SESTD1: variants seen among roughly 807,000 people sequenced by gnomAD.
The protein encoded by SESTD1 is SEC14 and spectrin domain containing 1, also known as SEC14 domain and spectrin repeat-containing protein 1.
SESTD1 carries 43 observed loss-of-function variants against 101.7 expected under a neutral mutation model. The ratio of observed to expected loss-of-function variants is 0.42; its 90% confidence interval spans 0.33 to 0.55. The LOEUF (loss-of-function observed/expected upper bound fraction) is 0.55. Among genes scored for constraint, SESTD1 ranks in the 20% least tolerant of loss-of-function variants. The pLI is 0.07. For synonymous variants in SESTD1, 283 were observed against 286.8 expected, an observed-to-expected ratio of 0.99 and a Z score of 0.13; for missense variants, 647 against 815.1, an observed-to-expected ratio of 0.79 and a Z score of 2.51.
At chr2:179,238,782 T>C (rs1357168528) in intron 1 of SESTD1, among the ~76,000 whole-genome samples, 1 of 152,182 alleles carries the variant, frequency 6.6e-6, no homozygotes, top group African/African-American at 2.4e-5. Context: ...GGCTTTGTTG[T>C]CACAAAGTTA....
At chr2:179,239,766 C>T (rs1311199099) in intron 1 of SESTD1, among the ~76,000 whole-genome samples, 2 of 152,132 alleles carry the variant, frequency 1.3e-5, no homozygotes, top group African/African-American at 4.8e-5. Context: ...AAAGAAATGC[C>T]ATTTAACTAC....
At chr2:179,171,727 C>G (rs188862938) in intron 5 of SESTD1, among the ~76,000 whole-genome samples, 2 of 152,248 alleles carry the variant, frequency 1.3e-5, no homozygotes, top group Admixed American at 1.3e-4. Context: ...TGTATTAAAA[C>G]TGGCCAGATA....
At chr2:179,191,898 A>C (rs1017016575) in intron 1 of SESTD1, 32 bp from the exon 2 acceptor site, 1 of 1,399,994 alleles carries the variant, frequency 7.1e-7, no homozygotes. Flanking sequence ...TGTCAACTAC[A>C]AGACAACAAT....
rs1452977495 is a variant in SESTD1, at chr2:179,209,137, T to C, written c.-25-17271A>G. On this transcript the variant is annotated intron_variant, in intron 1 of 17. Coordinates refer to ENST00000428443, the MANE Select transcript of SESTD1 (RefSeq NM_178123.5). The stretch of plus-strand genomic sequence containing the variant: ...TTTAAAAAGACAAAGAGGGGCATTA[T>C]ATAATGATACAGGACTAGTTCAACA... Among the ~76,000 whole-genome samples, 2 of 134,978 alleles carry C rather than the reference T, an allele frequency of 1.5e-5. 1 individual carries two copies. The highest frequency in any genetic ancestry group is 5.9e-5 in the African/African-American group (2 of 34,112). The allele number at this position is 134,978 out of a possible 152,430, so 88.6% of individuals were successfully genotyped here.
chr2:179,162,990 CAAAAAAA>C (rs1219244701), intron 5 of SESTD1, among the ~76,000 whole-genome samples: 1 of 88,818 alleles, frequency 1.1e-5, no homozygotes, highest in Admixed American at 1.2e-4. Context: ...GACTCCGTCT[CAAAAAAA>C]AAAAAAAAGA....
At chr2:179,117,403 A>T (rs1201671538) in intron 14 of SESTD1, 129 bp downstream of exon 14, 1 of 627,386 alleles carries the variant, frequency 1.6e-6, no homozygotes. Flanking sequence ...TCAACAAGAT[A>T]GATAAACTAG....
intron 5 of SESTD1, among the ~76,000 whole-genome samples, chr2:179,162,992 A>G (rs78631887): frequency 3.5e-4 from 51 of 145,248 alleles, no homozygotes; most frequent in African/African-American, 1.2e-3. Context: ...CTCCGTCTCA[A>G]AAAAAAAAAA....
At chr2:179,176,628 C>A in intron 3 of SESTD1, 90 bp from the exon 4 acceptor site, 1 of 946,446 alleles carries the variant, frequency 1.1e-6, no homozygotes, top group Non-Finnish European at 1.6e-6. Context: ...AACTTAATCG[C>A]ATATGGAGTA....
At chr2:179,168,470 T>C (rs369562818) in intron 5 of SESTD1, among the ~76,000 whole-genome samples, 3 of 152,184 alleles carry the variant, frequency 2.0e-5, no homozygotes, top group South Asian at 2.1e-4. Context: ...AGGAGGTTGC[T>C]GGCCCTAACC....
intron 5 of SESTD1, among the ~76,000 whole-genome samples, chr2:179,155,008 G>A (rs1285414473): frequency 6.6e-6 from 1 of 152,100 alleles, no homozygotes; most frequent in African/African-American, 2.4e-5. Context: ...CTGCCTCCCA[G>A]GTTCAAAGGA....
chr2:179,111,487 CA>C (rs1349378967), intron 17 of SESTD1, among the ~76,000 whole-genome samples: 1 of 152,082 alleles, frequency 6.6e-6, no homozygotes, highest in African/African-American at 2.4e-5. Flanking sequence ...AATTGAGGCA[CA>C]AAGGTTAAGT....
At chr2:179,192,354 C>T (rs1002694631) in intron 1 of SESTD1, among the ~76,000 whole-genome samples, 4 of 152,160 alleles carry the variant, frequency 2.6e-5, no homozygotes, top group Non-Finnish European at 4.4e-5. Flanking sequence ...TATTAAATGG[C>T]TTTTTCTGAT....
chr2:179,207,955 C>G (rs1297464512), intron 1 of SESTD1, among the ~76,000 whole-genome samples: 1 of 133,788 alleles, frequency 7.5e-6, no homozygotes, highest in South Asian at 2.8e-4. Flanking sequence ...AAGGTGAAAA[C>G]CAACTTAAAG....
intron 1 of SESTD1, among the ~76,000 whole-genome samples, chr2:179,200,093 G>C (rs147638953): frequency 0.061 from 9,270 of 152,002 alleles, 411 homozygotes; most frequent in Non-Finnish European, 0.091. Context: ...GATACAAAAT[G>C]AATGTACAAA....
chr2:179,259,079 G>A (rs2047442190), intron 1 of SESTD1, among the ~76,000 whole-genome samples: 2 of 152,172 alleles, frequency 1.3e-5, no homozygotes, highest in Admixed American at 6.5e-5. Context: ...AGGACTGGGG[G>A]AGTCCACCAA....
chr2:179,147,801 C>A (rs772445291), intron 7 of SESTD1, among the ~76,000 whole-genome samples: 2 of 152,204 alleles, frequency 1.3e-5, no homozygotes, highest in Non-Finnish European at 2.9e-5. Context: ...ATCATGGACT[C>A]ATTTTCTATA....
At position 179,176,486 on chromosome 2, in the gene SESTD1, G is replaced by T; in HGVS notation, c.217C>A (p.Gln73Lys). Residue 73 changes from glutamine (Q) to lysine (K), a missense_variant, in exon 4 of 18, where the codon CAG (glutamine) becomes AAG (lysine). By Grantham distance (53) the Gln-to-Lys change is moderately conservative (BLOSUM62 1). Coordinates refer to ENST00000428443, the MANE Select transcript of SESTD1 (RefSeq NM_178123.5). ...ACTACTGTTTTCACCACATTCCACT[G>T]TGATTTTCTGCCATCCACAATCACG... ...FTVIVDGRKS[Q>K]WNVVKTVVVM... The T allele has an allele frequency of 6.2e-7, 1 of 1,613,510 alleles. No homozygotes were observed. The highest frequency in any genetic ancestry group is 8.5e-7 in the Non-Finnish European group (1 of 1,179,790).
At chr2:179,154,884 G>A (rs986036236) in intron 5 of SESTD1, among the ~76,000 whole-genome samples, 2 of 152,080 alleles carry the variant, frequency 1.3e-5, no homozygotes, top group African/African-American at 4.8e-5. Flanking sequence ...TAGTGCATAA[G>A]AAAGCCTCAG....
chr2:179,133,285 C>T (rs1324453104), intron 9 of SESTD1, among the ~76,000 whole-genome samples: 2 of 152,130 alleles, frequency 1.3e-5, no homozygotes, highest in South Asian at 2.1e-4. Flanking sequence ...CTCAAGGATC[C>T]CCACCCCAAG....
Sources: gnomAD v4.1 joint callset for allele counts (sites outside exome capture counted in the v4.1 genomes callset) on GRCh38, gnomAD v4.1.1 for gene constraint, MANE v1.5 for transcripts, NCBI Gene and HGNC (gene_info 2026-07-23, HGNC 2026-07-21) for gene names.